Variants in CLTB observed in about 807,000 individuals in gnomAD.
The protein encoded by CLTB is clathrin light chain B, also known as clathrin, light chain (Lcb).
CLTB carries 10 observed loss-of-function variants against 30.5 expected under a neutral mutation model. The ratio of observed to expected loss-of-function variants is 0.33; its 90% confidence interval spans 0.20 to 0.56. The LOEUF (loss-of-function observed/expected upper bound fraction) is 0.56, where lower values mean the gene tolerates loss of function less well. CLTB is among the 20% of genes least tolerant of loss of function. CLTB has a pLI of 0.91. For synonymous variants in CLTB, 102 were observed against 120.3 expected, an observed-to-expected ratio of 0.85 and a Z score of 1.00; for missense variants, 261 against 308.3, an observed-to-expected ratio of 0.85 and a Z score of 1.15.
intron 2 of CLTB, chr5:176,405,752 T>TC (rs548817292): frequency 6.6e-6 from 1 of 152,008 alleles, no homozygotes; most frequent in Admixed American, 6.6e-5. Flanking sequence ...GGGCTTTACA[T>TC]CCCCCTTCTG....
chr5:176,392,615 C>G lies in CLTB; in HGVS notation c.*159G>C. The G allele has an allele frequency of 1.4e-6, 1 of 734,988 alleles. No individual in the cohort carries two copies. The highest frequency in any genetic ancestry group is 2.2e-6 in the Non-Finnish European group (1 of 449,594). The allele number at this position is 734,988 out of a possible 1,614,324, so 45.5% of individuals were successfully genotyped here. On this transcript the variant is annotated 3_prime_UTR_variant, in exon 6 of 6. Transcript: ENST00000310418. This position sits in a 1 kb window ranked among gnomAD's most constrained non-coding sequence, Gnocchi z 5.2. ...ACCAGAGGGCCAGGAGGGAGCGAGG[C>G]GTGATGGGGTGAGGGCCCCCCTCCC...
chr5:176,394,117 A>T (rs565700624), intron 5 of CLTB, among the ~76,000 whole-genome samples: 138 of 152,276 alleles, frequency 9.1e-4, no homozygotes, highest in Non-Finnish European at 9.1e-4. Flanking sequence ...CTGAGAATTC[A>T]ATGAGGTAGC....
intron 2 of CLTB, among the ~76,000 whole-genome samples, chr5:176,404,270 T>A (rs1189049708): frequency 2.6e-5 from 4 of 152,170 alleles, no homozygotes; most frequent in Non-Finnish European, 5.9e-5. Flanking sequence ...GGTCCCCAGC[T>A]CCGGTTGCCC....
At chr5:176,401,776 C>T (rs1170797030) in intron 2 of CLTB, 1 of 456,066 alleles carries the variant, frequency 2.2e-6, no homozygotes, top group Admixed American at 2.4e-5. Context: ...GAACAATTTC[C>T]CGAGGGTGCT....
chr5:176,406,708 G>T, intron 2 of CLTB: 2 of 1,285,912 alleles, frequency 1.6e-6, no homozygotes, highest in Non-Finnish European at 2.0e-6. Flanking sequence ...TGGTGCACGG[G>T]CTGCAGAAAA....
chr5:176,402,377 C>A (rs1756867860), intron 2 of CLTB, among the ~76,000 whole-genome samples: 1 of 152,224 alleles, frequency 6.6e-6, no homozygotes, highest in African/African-American at 2.4e-5. Flanking sequence ...GTGATCTGGT[C>A]TCTCCCTGGG....
chr5:176,394,180 G>A (rs1007133862), intron 5 of CLTB, among the ~76,000 whole-genome samples: 3 of 152,232 alleles, frequency 2.0e-5, no homozygotes, highest in African/African-American at 7.2e-5. Context: ...GGCAAGTGGG[G>A]ATGAGGGGAG....
In CLTB at chr5:176,395,051, C is replaced by T. The variant is rs1038325838; in HGVS notation, c.518+1428G>A. 5.3e-5 allele frequency among the ~76,000 whole-genome samples: 8 copies of T among 152,148 alleles called. 1 individual carries two copies. The South Asian group carries it at 1.7e-3, about 32-fold the overall frequency. ...GCACAACAGGCGCTTTGCAACCAGC[C>T]CCAAGCCAACCACCTCCCAGCCTCA... On this transcript the variant is annotated intron_variant, in intron 5 of 5. Coordinates refer to ENST00000310418, the MANE Select transcript of CLTB (RefSeq NM_007097.5).
chr5:176,406,193 A>G lies in CLTB; in HGVS notation c.234+4064T>C, dbSNP rs1757113359. ...AGTGGGGAGATCAGTCATGGCCAGGAGGGTTGGCAACCAGGAGAGATCACC... is the reference window on the plus strand; with the variant it reads ...AGTGGGGAGATCAGTCATGGCCAGGGGGGTTGGCAACCAGGAGAGATCACC... On this transcript the variant is annotated intron_variant, in intron 2 of 5. Transcript: ENST00000310418. 3 of 995,084 alleles carry G rather than the reference A, an allele frequency of 3.0e-6. No individual in the cohort carries two copies. The South Asian group carries it at 1.3e-4, about 44-fold the overall frequency. 61.6% of individuals were successfully genotyped at this position (995,084 alleles called of 1,614,324 possible).
At chr5:176,414,917 G>C (rs532761735) in intron 1 of CLTB, among the ~76,000 whole-genome samples, 4 of 152,278 alleles carry the variant, frequency 2.6e-5, no homozygotes, top group African/African-American at 7.2e-5. Context: ...AGTAAACGTT[G>C]AATGGATACA....
At chr5:176,395,337 TATC>T (rs1422168856) in intron 5 of CLTB, among the ~76,000 whole-genome samples, 4 of 152,182 alleles carry the variant, frequency 2.6e-5, no homozygotes, top group Non-Finnish European at 5.9e-5. Context: ...ACAAGGCCCT[TATC>T]ATAACACACT....
chr5:176,409,358 A>C (rs1757304818), intron 2 of CLTB, among the ~76,000 whole-genome samples: 1 of 148,542 alleles, frequency 6.7e-6, no homozygotes, highest in African/African-American at 2.5e-5. Context: ...TTTCCACTTA[A>C]TATATTGTGG....
chr5:176,399,120 A>G (rs1002749360), intron 2 of CLTB, among the ~76,000 whole-genome samples: 3 of 152,136 alleles, frequency 2.0e-5, no homozygotes, highest in African/African-American at 7.2e-5. Context: ...CTGGGATTAC[A>G]GGCTTGAGCC....
intron 2 of CLTB, among the ~76,000 whole-genome samples, chr5:176,403,548 G>A (rs1481810660): frequency 1.3e-5 from 2 of 150,758 alleles, no homozygotes; most frequent in Admixed American, 6.6e-5. Context: ...TCCGCCTCCC[G>A]GGTTCAAGCA....
At chr5:176,412,456 G>A (rs1233295669) in intron 1 of CLTB, among the ~76,000 whole-genome samples, 1 of 152,120 alleles carries the variant, frequency 6.6e-6, no homozygotes, top group Admixed American at 6.6e-5. Flanking sequence ...AGTAACTATT[G>A]GCTAAATGGA....
At chr5:176,397,816 G>A (rs113912281) in intron 3 of CLTB, 98 bp from the exon 4 acceptor site, 17,688 of 1,480,318 alleles carry the variant, frequency 0.012, 224 homozygotes, top group Middle Eastern at 0.065. Context: ...CCACAGGGCC[G>A]CACCGGCCCA....
intron 2 of CLTB, among the ~76,000 whole-genome samples, chr5:176,406,867 C>T (rs1161872835): frequency 1.1e-4 from 16 of 152,150 alleles, no homozygotes; most frequent in African/African-American, 2.4e-4. Context: ...GTGACCCAGG[C>T]GCTGTGGCCA....
intron 2 of CLTB, chr5:176,406,134 C>T (rs1757110943): frequency 1.0e-6 from 1 of 986,492 alleles, no homozygotes; most frequent in East Asian, 1.1e-4. Flanking sequence ...TCACGGGCCA[C>T]AACTGGGCTC....
intron 1 of CLTB, among the ~76,000 whole-genome samples, chr5:176,415,860 A>G (rs1203188171): frequency 6.6e-6 from 1 of 152,130 alleles, no homozygotes; most frequent in East Asian, 1.9e-4. Context: ...CACCCAGGCT[A>G]TTAGGAGGCT....
Sources: allele counts gnomAD v4.1 joint callset (sites outside exome capture counted in the v4.1 genomes callset), GRCh38; gene constraint gnomAD v4.1.1; non-coding constraint Gnocchi (gnomAD v3.1); transcripts MANE v1.5; gene names NCBI Gene and HGNC (gene_info 2026-07-23, HGNC 2026-07-21).